The following FUT9 variants were observed in gnomAD, a reference collection of about 807,000 sequenced individuals.
FUT9 encodes fucosyltransferase 9, also known as 4-galactosyl-N-acetylglucosaminide 3-alpha-L-fucosyltransferase 9.
A neutral mutation model predicts 29.7 loss-of-function variants in FUT9; 15 were observed. That is an observed-to-expected ratio of 0.51 (90% CI 0.34 to 0.78). FUT9 has a LOEUF of 0.78. Among genes scored for constraint, FUT9 ranks in the 30% least tolerant of loss-of-function variants. The pLI is 0.01. For synonymous variants in FUT9, 169 were observed against 153.7 expected, an observed-to-expected ratio of 1.10 and a Z score of -0.74; for missense variants, 319 against 425.4, an observed-to-expected ratio of 0.75 and a Z score of 2.20.
intron 1 of FUT9, among the ~76,000 whole-genome samples, chr6:96,030,389 T>TA (rs1180947771): frequency 6.6e-6 from 1 of 151,182 alleles, no homozygotes; most frequent in East Asian, 1.9e-4. Flanking sequence ...CTAAGAAAAT[T>TA]AAAAAAATTA....
intron 1 of FUT9, among the ~76,000 whole-genome samples, chr6:96,071,915 G>A (rs909680450): frequency 6.6e-5 from 10 of 151,966 alleles, no homozygotes; most frequent in Admixed American, 1.3e-4. Flanking sequence ...GATTATAGGC[G>A]TGAGCCACCA....
chr6:96,150,675 G>A (rs368617584), intron 2 of FUT9, among the ~76,000 whole-genome samples: 53 of 152,176 alleles, frequency 3.5e-4, no homozygotes, highest in African/African-American at 1.3e-3. Context: ...TTGCAGTAGA[G>A]ACTAATCCAC....
chr6:96,064,407 C>T (rs1227835620), intron 1 of FUT9, among the ~76,000 whole-genome samples: 2 of 152,002 alleles, frequency 1.3e-5, no homozygotes, highest in Non-Finnish European at 2.9e-5. Context: ...CCCATACTGG[C>T]AATGTACAAA....
chr6:96,118,903 T>C (rs1771966594), intron 2 of FUT9, among the ~76,000 whole-genome samples: 1 of 151,884 alleles, frequency 6.6e-6, no homozygotes, highest in African/African-American at 2.4e-5. Context: ...TATTTAAAAA[T>C]AGGAAAAAAG....
At chr6:96,018,321 ATAAAT>A (rs2127919477) in intron 1 of FUT9, among the ~76,000 whole-genome samples, 1 of 152,314 alleles carries the variant, frequency 6.6e-6, no homozygotes, top group East Asian at 1.9e-4. Context: ...TATGTTAATG[ATAAAT>A]TAAAGTCAAT....
At chr6:96,133,145 A>G (rs945598133) in intron 2 of FUT9, among the ~76,000 whole-genome samples, 2 of 151,792 alleles carry the variant, frequency 1.3e-5, no homozygotes, top group African/African-American at 4.8e-5. Flanking sequence ...AATAACAACA[A>G]TATTCTTGTC....
intron 1 of FUT9, among the ~76,000 whole-genome samples, chr6:96,046,136 G>C (rs1295481736): frequency 2.2e-5 from 3 of 134,452 alleles, no homozygotes; most frequent in Non-Finnish European, 4.7e-5. Flanking sequence ...CTCTACAGCA[G>C]TGTCTTTCAA....
intron 2 of FUT9, among the ~76,000 whole-genome samples, chr6:96,120,802 T>C (rs954701309): frequency 2.0e-5 from 3 of 151,910 alleles, no homozygotes; most frequent in African/African-American, 7.3e-5. Flanking sequence ...CTGTTTGTGA[T>C]GACCATTCAA....
At chr6:96,180,776 C>T (rs1773292210) in intron 2 of FUT9, among the ~76,000 whole-genome samples, 1 of 151,942 alleles carries the variant, frequency 6.6e-6, no homozygotes, top group South Asian at 2.1e-4. Context: ...AGAATTTGTT[C>T]TTTTCTATGG....
intron 1 of FUT9, among the ~76,000 whole-genome samples, chr6:96,110,192 C>T (rs1771771878): frequency 6.6e-6 from 1 of 152,132 alleles, no homozygotes; most frequent in South Asian, 2.1e-4. Flanking sequence ...AATGGCCTTG[C>T]TAATTCAGCC....
rs1444856442 is a variant in FUT9 at position 96,209,405 on chromosome 6, C to T, written c.*5170C>T. ...AACTGACATTCCTCCTGTATTTCCTCCCTCCCCTTAGTTGTCTATGACTTT... is the reference window on the plus strand; with the variant it reads ...AACTGACATTCCTCCTGTATTTCCTTCCTCCCCTTAGTTGTCTATGACTTT... On this transcript the variant is annotated 3_prime_UTR_variant, in exon 3 of 3. Transcript: ENST00000302103. The T allele has an allele frequency of 6.0e-6, 1 of 166,844 alleles. No individual in the cohort carries two copies. The highest frequency in any genetic ancestry group is 1.5e-5 in the Non-Finnish European group (1 of 68,026). 10.3% of individuals were successfully genotyped at this position (166,844 alleles called of 1,614,324 possible). A position where few individuals can be genotyped will look rare whatever the true frequency, so the allele number is the denominator to read the frequency against.
rs1289106973 is a variant in FUT9, at chr6:96,204,185, C to A, written c.1030C>A (p.His344Asn). ...ACLACDHVKR[H>N]QEYKSVGNLE... ...TTTGGCTTGCGATCATGTGAAAAGG[C>A]ATCAAGAATATAAGTCTGTTGGTAA... Residue 344 changes from histidine to asparagine, a missense_variant, in exon 3 of 3, where the codon CAT (histidine) becomes AAT (asparagine). His to Asn is a moderately conservative substitution (Grantham distance 68). Coordinates refer to ENST00000302103, the MANE Select transcript of FUT9 (RefSeq NM_006581.4). 6.8e-7 allele frequency: 1 copy of A among 1,478,816 alleles called. No individual in the cohort carries two copies. The highest frequency in any genetic ancestry group is 9.0e-7 in the Non-Finnish European group (1 of 1,112,260). 91.6% of individuals were successfully genotyped at this position (1,478,816 alleles called of 1,614,324 possible). A position where few individuals can be genotyped will look rare whatever the true frequency, so the allele number is the denominator to read the frequency against.
intron 2 of FUT9, among the ~76,000 whole-genome samples, chr6:96,197,779 G>A (rs866673105): frequency 6.6e-6 from 1 of 152,166 alleles, no homozygotes; most frequent in African/African-American, 2.4e-5. Context: ...GAGGTAGGTA[G>A]TGGCTGCAAT....
At chr6:96,056,349 A>G (rs1454520521) in intron 1 of FUT9, among the ~76,000 whole-genome samples, 1 of 152,168 alleles carries the variant, frequency 6.6e-6, no homozygotes, top group Non-Finnish European at 1.5e-5. Context: ...ATCTAGAAAC[A>G]TTTTTCTTTT....
chr6:96,017,484 G>A (rs974500761), intron 1 of FUT9, among the ~76,000 whole-genome samples: 18 of 152,140 alleles, frequency 1.2e-4, no homozygotes. Flanking sequence ...AACATCGGGA[G>A]GGGTCATTTA....
At chr6:96,188,171 A>G (rs535458597) in intron 2 of FUT9, among the ~76,000 whole-genome samples, 1 of 152,266 alleles carries the variant, frequency 6.6e-6, no homozygotes, top group East Asian at 1.9e-4. Flanking sequence ...AGGGAAATAT[A>G]TATCATAAAA....
chr6:96,018,071 A>G (rs1232519188), intron 1 of FUT9, among the ~76,000 whole-genome samples: 2 of 152,220 alleles, frequency 1.3e-5, no homozygotes, highest in Non-Finnish European at 2.9e-5. Context: ...AAATGTGGAT[A>G]GCCGCATTAA....
intron 2 of FUT9, among the ~76,000 whole-genome samples, chr6:96,145,128 G>A (rs1202971725): frequency 6.6e-6 from 1 of 152,066 alleles, no homozygotes; most frequent in Non-Finnish European, 1.5e-5. Context: ...CACGATCTCG[G>A]CTCACTGCAA....
rs76417790 is a variant in FUT9, at chr6:96,098,411, C to T, written c.-97-15628C>T. Among the ~76,000 whole-genome samples, 1,493 of 152,252 alleles carry T rather than the reference C, an allele frequency of 9.8e-3. 30 individuals carry two copies. Among genetic ancestry groups the T allele is most frequent in the East Asian group, 0.095 (493 of 5,172 alleles). ...TTAATCACTCACGATCCACAGTGAT[C>T]TTTCATTTAGCTAAAACTCTAGATT... On this transcript the variant is annotated intron_variant, in intron 1 of 2. Transcript: ENST00000302103.
Sources: gnomAD v4.1 joint callset for allele counts (sites outside exome capture counted in the v4.1 genomes callset) on GRCh38, gnomAD v4.1.1 for gene constraint, MANE v1.5 for transcripts, NCBI Gene and HGNC (gene_info 2026-07-23, HGNC 2026-07-21) for gene names.